OGDH: variants seen among roughly 807,000 people sequenced by gnomAD.
OGDH encodes 2-oxoglutarate dehydrogenase complex component E1.
A neutral mutation model predicts 116.6 loss-of-function variants in OGDH; 38 were observed. The observed-to-expected ratio is 0.33, with a 90% CI of 0.25 to 0.43. The LOEUF (loss-of-function observed/expected upper bound fraction) is 0.43. OGDH is among the 20% of genes least tolerant of loss of function. The pLI is 1.00. For synonymous variants in OGDH, 488 were observed against 533.3 expected (o/e 0.92, Z 1.17); for missense variants, 825 against 1,357.2 (o/e 0.61, Z 6.16).
At chr7:44,617,701 G>T (rs867949664) in intron 1 of OGDH, among the ~76,000 whole-genome samples, 1 of 152,180 alleles carries the variant, frequency 6.6e-6, no homozygotes, top group Non-Finnish European at 1.5e-5. Flanking sequence ...TGATTCATCA[G>T]AAGAATTGAG....
intron 3 of OGDH, among the ~76,000 whole-genome samples, chr7:44,647,182 T>C (rs1786223297): frequency 6.6e-6 from 1 of 152,262 alleles, no homozygotes; most frequent in African/African-American, 2.4e-5. Context: ...ATGGAAACTG[T>C]ATAAAGATCA....
chr7:44,656,910 C>T (rs1001920257), intron 4 of OGDH, among the ~76,000 whole-genome samples: 4 of 152,188 alleles, frequency 2.6e-5, no homozygotes, highest in South Asian at 2.1e-4. Flanking sequence ...AATCCAGAGT[C>T]GAAATGCTGG....
At chr7:44,706,598 A>G (rs1789083282) in intron 20 of OGDH, among the ~76,000 whole-genome samples, 1 of 148,892 alleles carries the variant, frequency 6.7e-6, no homozygotes, top group Non-Finnish European at 1.5e-5. Context: ...TGGGATTTAC[A>G]GGCGTGAGCC....
chr7:44,650,807 A>G (rs1786406071), intron 4 of OGDH, among the ~76,000 whole-genome samples: 1 of 152,174 alleles, frequency 6.6e-6, no homozygotes, highest in Non-Finnish European at 1.5e-5. Context: ...GCTGAATGGC[A>G]ACCTGGTGAC....
intron 18 of OGDH, among the ~76,000 whole-genome samples, chr7:44,699,814 T>C (rs1168972839): frequency 6.6e-6 from 1 of 152,118 alleles, no homozygotes; most frequent in African/African-American, 2.4e-5. Context: ...TCAGGAAGCT[T>C]ACAATCATGA....
chr7:44,696,687 C>T, intron 14 of OGDH, 130 bp downstream of exon 14: 1 of 1,362,880 alleles, frequency 7.3e-7, no homozygotes, highest in Non-Finnish European at 1.0e-6. Context: ...CTGCTCAAGG[C>T]CTCTGGGGTG....
chr7:44,661,913 T>G (rs114202796), intron 4 of OGDH, among the ~76,000 whole-genome samples: 110 of 152,304 alleles, frequency 7.2e-4, no homozygotes, highest in Middle Eastern at 6.8e-3. Context: ...TTTGAGTGTA[T>G]CCTTTTATAT....
chr7:44,703,140 G>A (rs1021005119), intron 20 of OGDH, among the ~76,000 whole-genome samples: 2 of 152,108 alleles, frequency 1.3e-5, no homozygotes, highest in African/African-American at 4.8e-5. Context: ...GAATAGCCAG[G>A]CATGGTGGCT....
chr7:44,625,193 C>T (rs916970844), intron 2 of OGDH, among the ~76,000 whole-genome samples: 6 of 152,134 alleles, frequency 3.9e-5, no homozygotes, highest in East Asian at 1.9e-4. Context: ...GGCGGGATCT[C>T]GGCTTGCTGC....
intron 1 of OGDH, among the ~76,000 whole-genome samples, chr7:44,623,926 G>A (rs377048118): frequency 2.6e-5 from 4 of 152,166 alleles, no homozygotes; most frequent in Non-Finnish European, 5.9e-5. Context: ...TTACAGGTGT[G>A]AGCCACCGAG....
chr7:44,620,705 CCAACA>C (rs1180680730), intron 1 of OGDH, among the ~76,000 whole-genome samples: 1 of 152,116 alleles, frequency 6.6e-6, no homozygotes, highest in Non-Finnish European at 1.5e-5. Context: ...TGAATGTGGC[CCAACA>C]CAAGTTTGTA....
At chr7:44,629,953 C>T (rs1461324702) in intron 2 of OGDH, among the ~76,000 whole-genome samples, 5 of 152,122 alleles carry the variant, frequency 3.3e-5, no homozygotes, top group African/African-American at 9.7e-5. Context: ...TACATGTGGT[C>T]GCTGCAGGAG....
intron 4 of OGDH, among the ~76,000 whole-genome samples, chr7:44,652,460 A>C (rs1377570583): frequency 6.6e-6 from 1 of 152,198 alleles, no homozygotes; most frequent in Non-Finnish European, 1.5e-5. Context: ...TTTCCAGGTA[A>C]ATCTCCAGAT....
At chr7:44,641,825 G>T (rs1785956230) in intron 2 of OGDH, among the ~76,000 whole-genome samples, 1 of 152,232 alleles carries the variant, frequency 6.6e-6, no homozygotes, top group Admixed American at 6.5e-5. Flanking sequence ...GTACCTGAGG[G>T]TGTCCAGTGT....
chr7:44,656,426 A>C (rs969582036), intron 4 of OGDH: 5 of 1,434,340 alleles, frequency 3.5e-6, no homozygotes, highest in Admixed American at 2.0e-5. Context: ...AGGATGTGCA[A>C]CTTTTCCTAG....
intron 1 of OGDH, among the ~76,000 whole-genome samples, chr7:44,620,966 C>T (rs771486992): frequency 6.6e-6 from 1 of 152,252 alleles, no homozygotes; most frequent in Non-Finnish European, 1.5e-5. Context: ...AAATAACGTA[C>T]TATTCTTAAA....
intron 7 of OGDH, chr7:44,674,852 C>G (rs1447669166): frequency 3.8e-6 from 2 of 533,136 alleles, no homozygotes; most frequent in African/African-American, 3.8e-5. Flanking sequence ...GGGGTCTAAC[C>G]TGGAGGGAAG....
chr7:44,667,595 A>G (rs917176392), intron 5 of OGDH, among the ~76,000 whole-genome samples: 24 of 152,114 alleles, frequency 1.6e-4, no homozygotes, highest in African/African-American at 5.6e-4. Context: ...CACACACATT[A>G]TAGACAGTGG....
intron 2 of OGDH, among the ~76,000 whole-genome samples, chr7:44,637,418 A>G (rs936055096): frequency 2.6e-5 from 4 of 152,226 alleles, no homozygotes; most frequent in Admixed American, 2.0e-4. Flanking sequence ...TAAGAAGCTC[A>G]TTTTAGTCAT....
Sources: allele counts gnomAD v4.1 joint callset (sites outside exome capture counted in the v4.1 genomes callset), GRCh38; gene constraint gnomAD v4.1.1; transcripts MANE v1.5; gene names NCBI Gene and HGNC (gene_info 2026-07-23, HGNC 2026-07-21).